The following GXYLT2 variants were observed in gnomAD, a reference collection of about 807,000 sequenced individuals.
GXYLT2 encodes glucoside xylosyltransferase 2.
Under a neutral mutation model 45.8 loss-of-function variants are expected in GXYLT2, and 53 were observed. The observed-to-expected ratio is 1.16, with a 90% CI of 0.93 to 1.46. GXYLT2 has a LOEUF of 1.46. Ranked by LOEUF, GXYLT2 falls within the 40% of genes most tolerant of loss-of-function variation. GXYLT2 has a pLI of 0.00. For synonymous variants in GXYLT2, 219 were observed against 214.2 expected, an observed-to-expected ratio of 1.02 and a Z score of -0.19; for missense variants, 551 against 544.4, an observed-to-expected ratio of 1.01 and a Z score of -0.12.
Position 72,976,549 on chromosome 3 carries a change from A to G in GXYLT2, c.*1390A>G, listed in dbSNP as rs1290729045. ...CTCTTTAAACAATTTCTTTCCCCCT[A>G]GGGTTACCTAGCTGGTCCATACAGG... On this transcript the variant is annotated 3_prime_UTR_variant, in exon 7 of 7. Transcript: ENST00000389617. The G allele has an allele frequency of 6.6e-6, 1 of 152,096 alleles. No individual in the cohort carries two copies. Among genetic ancestry groups the G allele is most frequent in the Non-Finnish European group, 1.5e-5 (1 of 67,928 alleles). 9.4% of individuals were successfully genotyped at this position (152,096 alleles called of 1,614,324 possible). A position where few individuals can be genotyped will look rare whatever the true frequency, so the allele number is the denominator to read the frequency against.
At chr3:72,901,796 A>G (rs1709414933) in intron 1 of GXYLT2, among the ~76,000 whole-genome samples, 1 of 151,644 alleles carries the variant, frequency 6.6e-6, no homozygotes, top group African/African-American at 2.4e-5. Context: ...ACTGACCTCA[A>G]GTGATCCGCC....
chr3:72,888,905 T>C (rs1412187273), intron 1 of GXYLT2, among the ~76,000 whole-genome samples: 2 of 152,112 alleles, frequency 1.3e-5, no homozygotes, highest in African/African-American at 2.4e-5. Flanking sequence ...TATGGTTGAG[T>C]TGGAAAAGTT....
At chr3:72,915,844 A>C (rs559627590) in intron 2 of GXYLT2, among the ~76,000 whole-genome samples, 1 of 151,780 alleles carries the variant, frequency 6.6e-6, no homozygotes, top group Non-Finnish European at 1.5e-5. Flanking sequence ...AAAAAAAAAA[A>C]AGAGAGATTG....
chr3:72,893,292 C>G (rs551945267), intron 1 of GXYLT2, among the ~76,000 whole-genome samples: 1 of 152,218 alleles, frequency 6.6e-6, no homozygotes, highest in Non-Finnish European at 1.5e-5. Flanking sequence ...CACTGGGCTT[C>G]AAATACACCA....
intron 3 of GXYLT2, among the ~76,000 whole-genome samples, chr3:72,935,586 T>C (rs1185813382): frequency 1.3e-5 from 2 of 152,080 alleles, no homozygotes; most frequent in African/African-American, 2.4e-5. Context: ...ACAGGTGAAA[T>C]AGAAGATAAT....
At chr3:72,961,659 C>CAAAAAA (rs771569626) in intron 5 of GXYLT2, among the ~76,000 whole-genome samples, 1 of 94,794 alleles carries the variant, frequency 1.1e-5, no homozygotes, top group Non-Finnish European at 2.0e-5. Flanking sequence ...GAATTCTTAG[C>CAAAAAA]AAAAAAAAAA....
At chr3:72,901,883 T>C (rs1189821593) in intron 1 of GXYLT2, among the ~76,000 whole-genome samples, 1 of 152,130 alleles carries the variant, frequency 6.6e-6, no homozygotes, top group Non-Finnish European at 1.5e-5. Flanking sequence ...TTCCTGTCTC[T>C]GTGGCTTTGC....
intron 3 of GXYLT2, among the ~76,000 whole-genome samples, chr3:72,936,198 A>T (rs991058089): frequency 6.6e-6 from 1 of 151,914 alleles, no homozygotes; most frequent in African/African-American, 2.4e-5. Flanking sequence ...AGGCTGAGGC[A>T]GGAGAATTGC....
At chr3:72,909,412 C>T (rs181545010) in intron 2 of GXYLT2, among the ~76,000 whole-genome samples, 1 of 152,042 alleles carries the variant, frequency 6.6e-6, no homozygotes, top group Admixed American at 6.6e-5. Context: ...TATGTTTGTA[C>T]ATATAGACAT....
chr3:72,963,028 G>A (rs371776392), intron 5 of GXYLT2, among the ~76,000 whole-genome samples: 69 of 151,790 alleles, frequency 4.5e-4, no homozygotes, highest in African/African-American at 1.5e-3. Context: ...AGTATTAAGC[G>A]AGGCCGGGTG....
intron 3 of GXYLT2, among the ~76,000 whole-genome samples, chr3:72,947,651 A>T (rs1253853370): frequency 6.6e-6 from 1 of 152,136 alleles, no homozygotes; most frequent in African/African-American, 2.4e-5. Flanking sequence ...AATGCAAAAA[A>T]GTAGCCAAGT....
chr3:72,901,909 C>T (rs1181741014), intron 1 of GXYLT2, among the ~76,000 whole-genome samples: 2 of 152,070 alleles, frequency 1.3e-5, no homozygotes, highest in Non-Finnish European at 2.9e-5. Context: ...TTGGACTTTT[C>T]ATATATGTGG....
intron 6 of GXYLT2, among the ~76,000 whole-genome samples, chr3:72,968,792 T>C (rs557063431): frequency 6.6e-6 from 1 of 152,292 alleles, no homozygotes; most frequent in South Asian, 2.1e-4. Flanking sequence ...CTTGGCGCAG[T>C]GGCTCATGCC....
At chr3:72,960,176 G>A (rs1299046530) in intron 5 of GXYLT2, among the ~76,000 whole-genome samples, 5 of 152,246 alleles carry the variant, frequency 3.3e-5, no homozygotes, top group Admixed American at 2.6e-4. Flanking sequence ...GATCCTCCTG[G>A]TGGATCACTT....
chr3:72,953,738 A>C (rs1224083377), intron 3 of GXYLT2, among the ~76,000 whole-genome samples: 1 of 152,174 alleles, frequency 6.6e-6, no homozygotes, highest in Non-Finnish European at 1.5e-5. Context: ...CCGCATGCTG[A>C]TACACAAACA....
rs529567708 is a variant in GXYLT2 at position 72,976,593 on chromosome 3, A to G, written c.*1434A>G. ...ATACAGGTTTTATCACCTCACTGCA[A>G]GGAGGAAGTTGAATATTCTGTTCCC... On this transcript the variant is annotated 3_prime_UTR_variant, in exon 7 of 7. Coordinates refer to ENST00000389617, the MANE Select transcript of GXYLT2 (RefSeq NM_001080393.2). 1.5e-4 allele frequency: 23 copies of G among 152,326 alleles called. No individual in the cohort carries two copies. The highest frequency in any genetic ancestry group is 4.6e-4 in the Admixed American group (7 of 15,294). 9.4% of individuals were successfully genotyped at this position (152,326 alleles called of 1,614,324 possible).
Position 72,955,358 on chromosome 3 carries a change from G to A in GXYLT2, c.852+9G>A. On this transcript the variant is annotated intron_variant, in intron 4 of 6. Coordinates refer to ENST00000389617, the MANE Select transcript of GXYLT2 (RefSeq NM_001080393.2). ...GAAGTACCCAGTTCAAGGTAAACGAGTGCTTTAAAATTCCTTGTTTAAAGA... is the reference window on the plus strand; with the variant it reads ...GAAGTACCCAGTTCAAGGTAAACGAATGCTTTAAAATTCCTTGTTTAAAGA... The A allele has an allele frequency of 6.2e-7, 1 of 1,611,192 alleles. No individual in the cohort carries two copies. Among genetic ancestry groups the A allele is most frequent in the Admixed American group, 1.7e-5 (1 of 59,914 alleles).
At chr3:72,921,740 A>G (rs1329115210) in intron 2 of GXYLT2, among the ~76,000 whole-genome samples, 1 of 152,144 alleles carries the variant, frequency 6.6e-6, no homozygotes. Flanking sequence ...CTCTAACGGT[A>G]CATTATTTTA....
chr3:72,971,377 T>A (rs1710983002), intron 6 of GXYLT2, among the ~76,000 whole-genome samples: 1 of 152,188 alleles, frequency 6.6e-6, no homozygotes, highest in Non-Finnish European at 1.5e-5. Context: ...GACTCCATCA[T>A]AAAAGATGTA....
Sources: allele counts gnomAD v4.1 joint callset (sites outside exome capture counted in the v4.1 genomes callset), GRCh38; gene constraint gnomAD v4.1.1; transcripts MANE v1.5; gene names NCBI Gene and HGNC (gene_info 2026-07-23, HGNC 2026-07-21).